The following MSH3 variants were observed in gnomAD, a reference collection of about 807,000 sequenced individuals.
The protein encoded by MSH3 is DNA mismatch repair protein Msh3.
MSH3 carries 106 observed loss-of-function variants against 123.3 expected under a neutral mutation model. That is an observed-to-expected ratio of 0.86 (90% CI 0.73 to 1.01). The LOEUF is 1.01. Among genes scored for constraint, MSH3 ranks in the 50% least tolerant of loss-of-function variants. MSH3 has a pLI of 0.00. For synonymous variants in MSH3, 515 were observed against 481.4 expected, an observed-to-expected ratio of 1.07 and a Z score of -0.91; for missense variants, 1,459 against 1,347.6, an observed-to-expected ratio of 1.08 and a Z score of -1.29.
intron 11 of MSH3, among the ~76,000 whole-genome samples, 164 bp from the exon 12 acceptor site, chr5:80,744,342 C>T (rs1743674924): frequency 6.6e-6 from 1 of 152,140 alleles, no homozygotes; most frequent in Non-Finnish European, 1.5e-5. Context: ...AATGTCAGTA[C>T]TTCATTCTGT....
At chr5:80,852,824 A>G (rs1374917698) in intron 20 of MSH3, among the ~76,000 whole-genome samples, 1 of 152,214 alleles carries the variant, frequency 6.6e-6, no homozygotes, top group Non-Finnish European at 1.5e-5. Context: ...GACTTTCTTA[A>G]GAAATGAAAG....
intron 9 of MSH3, 44 bp downstream of exon 9, chr5:80,725,609 A>G: frequency 1.5e-6 from 2 of 1,330,852 alleles, no homozygotes; most frequent in East Asian, 2.3e-5. Context: ...CTGATTTGAA[A>G]TTTGGATAAA....
At chr5:80,764,239 A>T (rs1490263341) in intron 13 of MSH3, among the ~76,000 whole-genome samples, 1 of 152,210 alleles carries the variant, frequency 6.6e-6, no homozygotes, top group East Asian at 1.9e-4. Flanking sequence ...GGAACACTGG[A>T]TGTTGTGGGA....
At chr5:80,709,083 C>CT (rs1018131131) in intron 8 of MSH3, among the ~76,000 whole-genome samples, 9 of 151,528 alleles carry the variant, frequency 5.9e-5, no homozygotes, top group African/African-American at 1.9e-4. Context: ...CCCTCTTTTT[C>CT]TTTTTTTTCA....
intron 20 of MSH3, among the ~76,000 whole-genome samples, chr5:80,838,346 T>C (rs1339559988): frequency 5.9e-5 from 9 of 152,140 alleles, no homozygotes; most frequent in Admixed American, 5.2e-4. Flanking sequence ...GAATCCTGAC[T>C]CCATGACTGA....
intron 20 of MSH3, among the ~76,000 whole-genome samples, chr5:80,827,326 C>G (rs185630433): frequency 6.6e-6 from 1 of 152,314 alleles, no homozygotes; most frequent in African/African-American, 2.4e-5. Flanking sequence ...TCTTCTGACA[C>G]CCAGCTTCAG....
chr5:80,695,790 A>T (rs1168109041), intron 8 of MSH3, among the ~76,000 whole-genome samples: 1 of 152,086 alleles, frequency 6.6e-6, no homozygotes. Context: ...CATCTCTGTT[A>T]TCTTGGTGTT....
At chr5:80,818,996 A>C (rs886673689) in intron 20 of MSH3, among the ~76,000 whole-genome samples, 1 of 152,210 alleles carries the variant, frequency 6.6e-6, no homozygotes, top group African/African-American at 2.4e-5. Context: ...TTGAATTGCA[A>C]TTAGCATTTT....
At chr5:80,856,775 T>C (rs1180741047) in intron 21 of MSH3, among the ~76,000 whole-genome samples, 2 of 152,220 alleles carry the variant, frequency 1.3e-5, no homozygotes, top group African/African-American at 2.4e-5. Flanking sequence ...GCAACCTTGC[T>C]GTAATCACTT....
chr5:80,744,466 A>G, intron 11 of MSH3, 40 bp from the exon 12 acceptor site: 1 of 1,406,248 alleles, frequency 7.1e-7, no homozygotes, highest in Non-Finnish European at 1.0e-6. Flanking sequence ...GGCACAAATA[A>G]TTGTCTAGTT....
chr5:80,724,390 G>A (rs964687925), intron 8 of MSH3, among the ~76,000 whole-genome samples: 2 of 134,712 alleles, frequency 1.5e-5, no homozygotes, highest in Non-Finnish European at 3.3e-5. Context: ...TATATAATGA[G>A]CATATATTAT....
At chr5:80,747,403 G>A (rs576419349) in intron 12 of MSH3, among the ~76,000 whole-genome samples, 1 of 152,218 alleles carries the variant, frequency 6.6e-6, no homozygotes, top group South Asian at 2.1e-4. Flanking sequence ...GAGAAAATAT[G>A]CCAGGCATTC....
At chr5:80,726,401 G>A (rs6151727) in intron 9 of MSH3, among the ~76,000 whole-genome samples, 2 of 152,206 alleles carry the variant, frequency 1.3e-5, no homozygotes, top group African/African-American at 4.8e-5. Context: ...AGGCATCAGT[G>A]TCTTGTTAGC....
In MSH3 at chr5:80,760,805, GA is replaced by G. The variant is rs1474337600; in HGVS notation, c.1764-740del. On this transcript the variant is annotated intron_variant, in intron 12 of 23. Transcript: ENST00000265081. ...ACAAGCTTGCCTAGCTGGCAAAGGG[GA>G]TTAGGAGAATGTGAAAGCTTATTCA... 4.6e-5 allele frequency among the ~76,000 whole-genome samples: 7 copies of G among 152,312 alleles called. No homozygotes were observed. In the South Asian group the frequency reaches 1.2e-3, roughly 27 times the overall value.
intron 14 of MSH3, among the ~76,000 whole-genome samples, chr5:80,768,503 G>A (rs906209147): frequency 6.6e-6 from 1 of 152,070 alleles, no homozygotes; most frequent in Admixed American, 6.5e-5. Context: ...CCTTTAAAAG[G>A]TAGTTATAAC....
intron 8 of MSH3, among the ~76,000 whole-genome samples, chr5:80,679,708 T>C (rs1459606306): frequency 1.3e-5 from 2 of 152,210 alleles, no homozygotes; most frequent in African/African-American, 2.4e-5. Flanking sequence ...GGTTATGATA[T>C]ATGTCTGGCA....
At chr5:80,843,298 T>G (rs902242864) in intron 20 of MSH3, among the ~76,000 whole-genome samples, 2 of 152,206 alleles carry the variant, frequency 1.3e-5, no homozygotes, top group Admixed American at 1.3e-4. Context: ...CTGCTGGATT[T>G]GGTTTGCCAG....
At position 80,694,264 on chromosome 5, in the gene MSH3, A is replaced by G. The variant is rs142454031; in HGVS notation, c.1340+15171A>G. 3.8e-3 allele frequency among the ~76,000 whole-genome samples: 572 copies of G among 152,290 alleles called. 2 individuals carry two copies. The highest frequency in any genetic ancestry group is 0.024 in the Middle Eastern group (7 of 294). The stretch of plus-strand genomic sequence containing the variant: ...TCTGAAAAGATATCCTATAAATGAC[A>G]TACACAAAAAGCACAAATCAAAGGA... On this transcript the variant is annotated intron_variant, in intron 8 of 23. Transcript: ENST00000265081.
chr5:80,805,204 G>C (rs185642415), intron 19 of MSH3, among the ~76,000 whole-genome samples: 22 of 152,350 alleles, frequency 1.4e-4, no homozygotes, highest in Admixed American at 1.2e-3. Flanking sequence ...TGCTTCAGCA[G>C]TGTCTGGCTC....
Sources: allele counts gnomAD v4.1 joint callset (sites outside exome capture counted in the v4.1 genomes callset), GRCh38; gene constraint gnomAD v4.1.1; transcripts MANE v1.5; gene names NCBI Gene and HGNC (gene_info 2026-07-23, HGNC 2026-07-21).